The following SLC7A14 variants were observed in gnomAD, a reference collection of about 807,000 sequenced individuals.
SLC7A14 encodes the protein gamma-aminobutyric acid transporter SLC7A14.
A neutral mutation model predicts 60.2 loss-of-function variants in SLC7A14; 37 were observed. The ratio of observed to expected loss-of-function variants is 0.61; its 90% confidence interval spans 0.47 to 0.81. SLC7A14 has a LOEUF of 0.81. SLC7A14 is among the 30% of genes least tolerant of loss of function. The probability of loss-of-function intolerance (pLI) is 0.00; values close to 1 mark genes in which losing one functional copy is unlikely to be tolerated. For synonymous variants in SLC7A14, 399 were observed against 395.8 expected (o/e 1.01, Z -0.10); for missense variants, 886 against 982.7 (o/e 0.90, Z 1.32).
At position 170,508,707 on chromosome 3, in the gene SLC7A14, T is replaced by C. The variant is rs558606062; in HGVS notation, c.305-7362A>G. Among the ~76,000 whole-genome samples the C allele has an allele frequency of 5.9e-5, 9 of 152,346 alleles. No individual in the cohort carries two copies. In the East Asian group the frequency reaches 1.4e-3, roughly 23 times the overall value. The stretch of plus-strand genomic sequence containing the variant: ...TTATTTTCTTCTGATTTCCTTACTT[T>C]TCTTAAAACATCTCTGTTCCGTTTA... On this transcript the variant is annotated intron_variant, in intron 2 of 7. Coordinates refer to ENST00000231706, the MANE Select transcript of SLC7A14 (RefSeq NM_020949.3).
chr3:170,479,483 C>T (rs555847869), intron 7 of SLC7A14, among the ~76,000 whole-genome samples: 29 of 152,262 alleles, frequency 1.9e-4, no homozygotes, highest in African/African-American at 7.0e-4. Flanking sequence ...AAATGGATCA[C>T]AAAGTAAAAT....
intron 1 of SLC7A14, among the ~76,000 whole-genome samples, chr3:170,563,948 G>A (rs1312978781): frequency 1.3e-5 from 2 of 152,134 alleles, no homozygotes; most frequent in Non-Finnish European, 2.9e-5. Flanking sequence ...ATTAAATAAC[G>A]AATCCTTATC....
intron 1 of SLC7A14, among the ~76,000 whole-genome samples, chr3:170,530,690 G>A (rs530607982): frequency 1.3e-4 from 20 of 152,324 alleles, no homozygotes; most frequent in Admixed American, 3.3e-4. Flanking sequence ...AAGGCAGCCC[G>A]GGATGGATGT....
chr3:170,569,405 C>T lies in SLC7A14; in HGVS notation c.-153+16506G>A, dbSNP rs888016389. Among the ~76,000 whole-genome samples, 218 of 152,212 alleles carry T rather than the reference C, an allele frequency of 1.4e-3. 2 individuals are homozygous for T. The highest frequency in any genetic ancestry group is 3.8e-3 in the African/African-American group (159 of 41,534). On this transcript the variant is annotated intron_variant, in intron 1 of 7. Transcript: ENST00000231706. Reference sequence around the variant, plus strand: ...AAGCTTTTTGATGTGCTGCTGGATTCGGTTTGCCAGTATTTTATTGAGGAT... The same window carrying T: ...AAGCTTTTTGATGTGCTGCTGGATTTGGTTTGCCAGTATTTTATTGAGGAT...
intron 7 of SLC7A14, among the ~76,000 whole-genome samples, chr3:170,471,443 GT>G (rs1333753047): frequency 2.6e-5 from 4 of 152,008 alleles, no homozygotes; most frequent in Non-Finnish European, 5.9e-5. Context: ...TCTATCATAG[GT>G]TTAATTTGTA....
chr3:170,490,294 C>T (rs1020603620), intron 4 of SLC7A14, among the ~76,000 whole-genome samples: 8 of 152,198 alleles, frequency 5.3e-5, no homozygotes, highest in African/African-American at 1.9e-4. Flanking sequence ...TTCTTCCCTT[C>T]TACACACACA....
chr3:170,583,679 A>G (rs1162803707), intron 1 of SLC7A14, among the ~76,000 whole-genome samples: 1 of 152,260 alleles, frequency 6.6e-6, no homozygotes, highest in African/African-American at 2.4e-5. Context: ...TCTAAATATG[A>G]AAGTACATGT....
chr3:170,472,368 CA>C (rs5854371), intron 7 of SLC7A14, among the ~76,000 whole-genome samples: 104 of 144,608 alleles, frequency 7.2e-4, no homozygotes, highest in Middle Eastern at 3.5e-3. Flanking sequence ...GACTCCATCT[CA>C]AAAAAAAAAA....
intron 7 of SLC7A14, among the ~76,000 whole-genome samples, chr3:170,477,789 T>G (rs73882017): frequency 1.9e-3 from 285 of 152,364 alleles, no homozygotes; most frequent in African/African-American, 6.5e-3. Flanking sequence ...TTCATATGCT[T>G]TCTAATACCA....
intron 1 of SLC7A14, among the ~76,000 whole-genome samples, chr3:170,550,930 A>G (rs1714330700): frequency 1.3e-5 from 2 of 152,194 alleles, no homozygotes; most frequent in South Asian, 2.1e-4. Context: ...TTTAAAGTAT[A>G]TATTTCAGTG....
At chr3:170,526,368 C>T (rs971797742) in intron 2 of SLC7A14, among the ~76,000 whole-genome samples, 1 of 151,428 alleles carries the variant, frequency 6.6e-6, no homozygotes, top group African/African-American at 2.4e-5. Flanking sequence ...TGCCACTGCA[C>T]TCCAGCCTGG....
rs556237915 is a variant in SLC7A14 at position 170,466,781 on chromosome 3, C to G, written c.*274G>C. On this transcript the variant is annotated 3_prime_UTR_variant, in exon 8 of 8. Coordinates refer to ENST00000231706, the MANE Select transcript of SLC7A14 (RefSeq NM_020949.3). ...CCTAGGAAACATTTGGTACCATCAG[C>G]TCTGGTGGTTGCACCTAAGATGGAA... is the stretch of plus-strand genomic sequence containing the variant. The G allele has an allele frequency of 5.9e-4, 211 of 358,434 alleles. 1 individual carries two copies. The highest frequency in any genetic ancestry group is 1.1e-4 in the Non-Finnish European group (22 of 198,244). The allele number at this position is 358,434 out of a possible 1,614,324, so 22.2% of individuals were successfully genotyped here. A position where few individuals can be genotyped will look rare whatever the true frequency, so the allele number is the denominator to read the frequency against.
At chr3:170,500,438 CAAAAAAAAAAAAAAAAA>C (rs66971540) in intron 3 of SLC7A14, among the ~76,000 whole-genome samples, 1 of 55,630 alleles carries the variant, frequency 1.8e-5, no homozygotes, top group Admixed American at 2.2e-4. Context: ...GACTCTGTCT[CAAAAAAAAAAAAAAAAA>C]AAAAAAAAAG....
At chr3:170,483,752 C>T (rs1372438539) in intron 5 of SLC7A14, among the ~76,000 whole-genome samples, 1 of 152,260 alleles carries the variant, frequency 6.6e-6, no homozygotes, top group Non-Finnish European at 1.5e-5. Context: ...CAGAAACTCT[C>T]TATCTCTCTG....
In SLC7A14 at chr3:170,550,359, TAG is replaced by T. The variant is rs1262624913; in HGVS notation, c.-152-23273_-152-23272del. ...AAATACTTAAACTTGCATCTATGCA[TAG>T]AGTCACTGAGATCTCAATAGCCATA... On this transcript the variant is annotated intron_variant, in intron 1 of 7. Transcript: ENST00000231706. Among the ~76,000 whole-genome samples, 4 of 152,142 alleles carry T rather than the reference TAG, an allele frequency of 2.6e-5. No homozygotes were observed. In the South Asian group the frequency reaches 8.3e-4, roughly 31 times the overall value.
At position 170,493,642 on chromosome 3, in the gene SLC7A14, A is replaced by C. The variant is rs116862087; in HGVS notation, c.759+5025T>G. On this transcript the variant is annotated intron_variant, in intron 4 of 7. Coordinates refer to ENST00000231706, the MANE Select transcript of SLC7A14 (RefSeq NM_020949.3). Reference sequence around the variant, plus strand: ...CGATTTTTAGGTAACAGAGCGAGGAATGTGTGTATTACCTTGGTGTATGAC... The same window carrying C: ...CGATTTTTAGGTAACAGAGCGAGGACTGTGTGTATTACCTTGGTGTATGAC... Among the ~76,000 whole-genome samples, 412 of 152,306 alleles carry C rather than the reference A, an allele frequency of 2.7e-3. 8 individuals carry two copies. In the East Asian group the frequency reaches 0.057, roughly 21 times the overall value.
chr3:170,526,829 T>C lies in SLC7A14; in HGVS notation c.108A>G (p.Leu36=). The C allele has an allele frequency of 6.2e-7, 1 of 1,614,162 alleles. No individual in the cohort carries two copies. Among genetic ancestry groups the C allele is most frequent in the Admixed American group, 1.7e-5 (1 of 60,020 alleles). Residue 36 remains leucine (L), a synonymous_variant, in exon 2 of 8, where the codon CTA becomes CTG. Coordinates refer to ENST00000231706, the MANE Select transcript of SLC7A14 (RefSeq NM_020949.3). Reference sequence around the variant, plus strand: ...GTGCCGTGGTGGTCCCAGTTCCCTCTAGCATGGACTCCACTGGTTTGGTGC... The same window carrying C: ...GTGCCGTGGTGGTCCCAGTTCCCTCCAGCATGGACTCCACTGGTTTGGTGC... ...ILRTKPVESM[L]EGTGTTTAHG... is the part of the protein sequence containing the mutation.
intron 1 of SLC7A14, among the ~76,000 whole-genome samples, chr3:170,566,985 CTTTTATT>C (rs1714809036): frequency 6.6e-6 from 1 of 151,528 alleles, no homozygotes; most frequent in Admixed American, 6.6e-5. Flanking sequence ...TATTGTCCTA[CTTTTATT>C]TTTTATTTTT....
intron 1 of SLC7A14, among the ~76,000 whole-genome samples, chr3:170,530,361 A>G (rs1713638432): frequency 6.6e-6 from 1 of 152,184 alleles, no homozygotes; most frequent in South Asian, 2.1e-4. Flanking sequence ...GGAGGATTTG[A>G]GTGTCGTGTT....
Sources: allele counts gnomAD v4.1 joint callset (sites outside exome capture counted in the v4.1 genomes callset), GRCh38; gene constraint gnomAD v4.1.1; transcripts MANE v1.5; gene names NCBI Gene and HGNC (gene_info 2026-07-23, HGNC 2026-07-21).